CORO2A: variants seen among roughly 807,000 people sequenced by gnomAD.
CORO2A encodes the protein coronin-2A.
In CORO2A, 47 loss-of-function variants were observed where a neutral mutation model predicts 62.4. The ratio of observed to expected loss-of-function variants is 0.75; its 90% confidence interval spans 0.60 to 0.96. The LOEUF (loss-of-function observed/expected upper bound fraction) is 0.96. CORO2A is among the 40% of genes least tolerant of loss of function. The pLI is 0.00. For missense variants in CORO2A, 610 were observed against 684.1 expected (o/e 0.89, Z 1.21); for synonymous variants, 273 against 268.9 (o/e 1.02, Z -0.15).
At chr9:98,180,071 T>C (rs1422506019) in intron 1 of CORO2A, among the ~76,000 whole-genome samples, 1 of 152,132 alleles carries the variant, frequency 6.6e-6, no homozygotes, top group Non-Finnish European at 1.5e-5. Flanking sequence ...TTTACGATCA[T>C]AATGTGCCTG....
chr9:98,189,203 A>G (rs1309422122), intron 1 of CORO2A, among the ~76,000 whole-genome samples: 1 of 152,212 alleles, frequency 6.6e-6, no homozygotes, highest in Non-Finnish European at 1.5e-5. Context: ...TAAGTTTCCC[A>G]TAGCAGCCTG....
intron 1 of CORO2A, among the ~76,000 whole-genome samples, chr9:98,165,448 T>C (rs1027518308): frequency 4.6e-5 from 7 of 152,222 alleles, no homozygotes; most frequent in African/African-American, 1.7e-4. Flanking sequence ...ATCTCCAATC[T>C]TCATCTGATA....
intron 2 of CORO2A, among the ~76,000 whole-genome samples, chr9:98,153,449 C>T (rs2118864589): frequency 6.6e-6 from 1 of 151,588 alleles, no homozygotes; most frequent in East Asian, 1.9e-4. Context: ...ATTCTGTCAC[C>T]CAGGCTGGAG....
chr9:98,165,823 T>C (rs369551648), intron 1 of CORO2A, among the ~76,000 whole-genome samples: 4 of 152,172 alleles, frequency 2.6e-5, no homozygotes, highest in Admixed American at 2.6e-4. Context: ...ACTAGGGAAC[T>C]TTTTATTTGC....
At chr9:98,138,839 G>C (rs2761059) in intron 2 of CORO2A, among the ~76,000 whole-genome samples, 67,598 of 151,648 alleles carry the variant, frequency 0.45, 15,280 homozygotes, top group Admixed American at 0.51. Flanking sequence ...ACGAGGTCAG[G>C]AGATCGAGAC....
intron 9 of CORO2A, 47 bp downstream of exon 9, chr9:98,128,560 A>C: frequency 6.5e-7 from 1 of 1,545,738 alleles, no homozygotes; most frequent in Non-Finnish European, 8.9e-7. Context: ...TGTCTTCTCC[A>C]GGACAGGTTC....
In CORO2A at chr9:98,155,191, C is replaced by T. The variant is rs1245927795; in HGVS notation, c.201+2269G>A. 4.6e-5 allele frequency among the ~76,000 whole-genome samples: 7 copies of T among 152,238 alleles called. No homozygotes were observed. The East Asian group carries it at 1.3e-3, about 29-fold the overall frequency. On this transcript the variant is annotated intron_variant, in intron 2 of 11. Transcript: ENST00000375077. ...TTATTAGCCATTTGGATTTTCTTTG[C>T]TATGAAGTGCTGGTTCAGTGTTTTG...
chr9:98,169,025 G>C (rs1004568146), intron 1 of CORO2A, among the ~76,000 whole-genome samples: 6 of 152,208 alleles, frequency 3.9e-5, no homozygotes, highest in Non-Finnish European at 7.3e-5. Context: ...GTGGAGGGGT[G>C]GGGGAAGAAG....
chr9:98,153,445 T>C (rs1236728317), intron 2 of CORO2A, among the ~76,000 whole-genome samples: 3 of 151,232 alleles, frequency 2.0e-5, no homozygotes, highest in African/African-American at 7.3e-5. Context: ...TCTTATTCTG[T>C]CACCCAGGCT....
chr9:98,124,620 T>G lies in CORO2A; in HGVS notation c.*154A>C. On this transcript the variant is annotated 3_prime_UTR_variant, in exon 12 of 12. Coordinates refer to ENST00000375077, the MANE Select transcript of CORO2A (RefSeq NM_052820.4). ...AGGCAAACAGAAAAACGGCACCATG[T>G]CCCACTGGAATCTCTTTCAGCGATG... 1 of 739,296 alleles carries G rather than the reference T, an allele frequency of 1.4e-6. No homozygotes were observed. The highest frequency in any genetic ancestry group is 2.0e-6 in the Non-Finnish European group (1 of 506,614). 45.8% of individuals were successfully genotyped at this position (739,296 alleles called of 1,614,324 possible).
intron 2 of CORO2A, among the ~76,000 whole-genome samples, chr9:98,156,991 T>G (rs1439160378): frequency 2.0e-5 from 3 of 152,190 alleles, no homozygotes; most frequent in Non-Finnish European, 4.4e-5. Context: ...CAGTTGAATA[T>G]CCACAATTTT....
At chr9:98,188,074 G>C (rs946938039) in intron 1 of CORO2A, among the ~76,000 whole-genome samples, 1 of 152,076 alleles carries the variant, frequency 6.6e-6, no homozygotes, top group South Asian at 2.1e-4. Context: ...CTCTTCTCCC[G>C]CCATCACTCT....
intron 1 of CORO2A, among the ~76,000 whole-genome samples, chr9:98,168,992 A>C (rs1163442116): frequency 6.6e-6 from 1 of 152,056 alleles, no homozygotes; most frequent in Non-Finnish European, 1.5e-5. Context: ...ACCCTGCCCT[A>C]GTGCTGAGGG....
intron 6 of CORO2A, 132 bp downstream of exon 6, chr9:98,132,053 G>A (rs1013691676): frequency 1.8e-5 from 14 of 759,492 alleles, no homozygotes; most frequent in African/African-American, 8.6e-5. Flanking sequence ...ATTCATCCCC[G>A]GATCCCCAGC....
At chr9:98,177,631 A>T (rs1828125916) in intron 1 of CORO2A, among the ~76,000 whole-genome samples, 1 of 151,176 alleles carries the variant, frequency 6.6e-6, no homozygotes, top group African/African-American at 2.4e-5. Flanking sequence ...CACACCCGGC[A>T]AATTTTTTTG....
chr9:98,141,236 G>A (rs1351602602), intron 2 of CORO2A, among the ~76,000 whole-genome samples: 1 of 152,098 alleles, frequency 6.6e-6, no homozygotes, highest in African/African-American at 2.4e-5. Context: ...CAGGACAGGG[G>A]AGAGAGGTGC....
rs1264694523 is a variant in CORO2A, at chr9:98,123,888, CA to C, written c.*885del. 8.6e-5 allele frequency: 13 copies of C among 151,482 alleles called. No individual in the cohort carries two copies. Among genetic ancestry groups the C allele is most frequent in the African/African-American group, 2.9e-4 (12 of 41,140 alleles). 9.4% of individuals were successfully genotyped at this position (151,482 alleles called of 1,614,324 possible). ...CAGGCTGGTCTTGAACTCCTGACCT[CA>C]GAAGATCCGCCCAGCTTGGCCTCCC... On this transcript the variant is annotated 3_prime_UTR_variant, in exon 12 of 12. Transcript: ENST00000375077.
rs61422672 is a variant in CORO2A at position 98,154,329 on chromosome 9, G to GTATATATATATATATATATA, written c.201+3111_201+3130dup. 5.3e-4 allele frequency among the ~76,000 whole-genome samples: 47 copies of GTATATATATATATATATATA among 88,938 alleles called. 1 individual carries two copies. Among genetic ancestry groups the GTATATATATATATATATATA allele is most frequent in the African/African-American group, 2.3e-3 (42 of 18,468 alleles). The allele number at this position is 88,938 out of a possible 152,430, so 58.3% of individuals were successfully genotyped here. On this transcript the variant is annotated intron_variant, in intron 2 of 11. Coordinates refer to ENST00000375077, the MANE Select transcript of CORO2A (RefSeq NM_052820.4). ...TAGAGTCTTTCTTATGTGTTTGTGT[G>GTATATATATATATATATATA]TATATATATATATATATATATATAC...
intron 2 of CORO2A, among the ~76,000 whole-genome samples, chr9:98,151,808 C>T (rs10985211): frequency 0.19 from 28,621 of 149,264 alleles, 3,084 homozygotes; most frequent in African/African-American, 0.29. Flanking sequence ...CCACCATGCC[C>T]GGCTAATTTT....
Sources: gnomAD v4.1 joint callset for allele counts (sites outside exome capture counted in the v4.1 genomes callset) on GRCh38, gnomAD v4.1.1 for gene constraint, MANE v1.5 for transcripts, NCBI Gene and HGNC (gene_info 2026-07-23, HGNC 2026-07-21) for gene names.